ABCA9: variants seen among roughly 807,000 people sequenced by gnomAD.
The protein encoded by ABCA9 is ATP binding cassette subfamily A member 9.
ABCA9 carries 183 observed loss-of-function variants against 205.3 expected under a neutral mutation model. The ratio of observed to expected loss-of-function variants is 0.89; its 90% CI spans 0.79 to 1.01. ABCA9 has a LOEUF of 1.01. Among genes scored for constraint, ABCA9 ranks in the 50% least tolerant of loss-of-function variants. The probability of loss-of-function intolerance (pLI) is 0.00; values close to 1 mark genes in which losing one functional copy is unlikely to be tolerated. For synonymous variants in ABCA9, 651 were observed against 683.3 expected, an observed-to-expected ratio of 0.95 and a Z score of 0.74; for missense variants, 1,805 against 1,912.4, an observed-to-expected ratio of 0.94 and a Z score of 1.05.
intron 6 of ABCA9, 145 bp downstream of exon 6, chr17:69,043,344 C>T (rs1332098405): frequency 1.7e-6 from 1 of 593,098 alleles, no homozygotes; most frequent in African/African-American, 1.9e-5. Flanking sequence ...CCACTCACCT[C>T]CTGCTATGTG....
At chr17:69,016,578 G>T (rs1005303250) in intron 21 of ABCA9, among the ~76,000 whole-genome samples, 188 bp from the exon 22 acceptor site, 1 of 151,760 alleles carries the variant, frequency 6.6e-6, no homozygotes, top group Admixed American at 6.6e-5. Context: ...CCGGTATTTT[G>T]GTTTCTACCC....
the ABCA9 span, among the ~76,000 whole-genome samples, chr17:69,077,427 T>C: frequency 2.0e-5 from 3 of 152,206 alleles, no homozygotes; most frequent in Non-Finnish European, 4.4e-5. Flanking sequence ...TGTCTGAGCA[T>C]GTGGCCAATC....
At chr17:68,976,276 G>T in intron 37 of ABCA9, 86 bp from the exon 38 acceptor site, 2 of 1,086,674 alleles carry the variant, frequency 1.8e-6, no homozygotes, top group Non-Finnish European at 2.8e-6. Flanking sequence ...CATACAAGTA[G>T]ATCTTAAACA....
intron 9 of ABCA9, among the ~76,000 whole-genome samples, 164 bp from the exon 10 acceptor site, chr17:69,032,440 A>G (rs929251656): frequency 9.9e-5 from 15 of 152,204 alleles, no homozygotes; most frequent in African/African-American, 3.6e-4. Flanking sequence ...CAGAACAGTG[A>G]GGAGAAAATA....
intron 16 of ABCA9, 55 bp from the exon 17 acceptor site, chr17:69,024,408 T>A: frequency 1.4e-6 from 2 of 1,458,234 alleles, no homozygotes; most frequent in Non-Finnish European, 1.8e-6. Context: ...TATAAAACAA[T>A]TTCCTAATTA....
At chr17:69,009,670 G>A (rs2070297185) in intron 23 of ABCA9, among the ~76,000 whole-genome samples, 1 of 152,074 alleles carries the variant, frequency 6.6e-6, no homozygotes, top group Non-Finnish European at 1.5e-5. Flanking sequence ...AAATAGAGAC[G>A]ACTAATATGG....
intron 25 of ABCA9, among the ~76,000 whole-genome samples, chr17:68,998,050 A>G (rs563995542): frequency 3.3e-5 from 5 of 152,266 alleles, no homozygotes; most frequent in African/African-American, 1.2e-4. Context: ...TAGACTTTTC[A>G]GATTGGCTTC....
the ABCA9 span, among the ~76,000 whole-genome samples, chr17:69,068,657 C>CA: frequency 4.2e-4 from 64 of 152,152 alleles, 1 homozygote; most frequent in Non-Finnish European, 7.4e-4. Context: ...ATCTTTACCC[C>CA]AAAAAACTGA....
At chr17:69,065,914 C>T (rs558732492), upstream of ABCA9, among the ~76,000 whole-genome samples, 165 of 152,192 alleles carry the variant, frequency 1.1e-3, no homozygotes, top group African/African-American at 3.9e-3. Flanking sequence ...AGGGGCTTTT[C>T]CCCCCTTTTG....
intron 25 of ABCA9, among the ~76,000 whole-genome samples, chr17:69,007,054 G>A (rs2070164610): frequency 6.6e-6 from 1 of 152,262 alleles, no homozygotes; most frequent in Middle Eastern, 3.4e-3. Flanking sequence ...GCGTGATCAA[G>A]GATGATTCCA....
chr17:69,014,791 T>C (rs1567943598), intron 22 of ABCA9, among the ~76,000 whole-genome samples: 2 of 152,100 alleles, frequency 1.3e-5, no homozygotes, highest in African/African-American at 2.4e-5. Flanking sequence ...CAGAAGTTGT[T>C]GAATTACCTG....
intron 29 of ABCA9, 147 bp from the exon 30 acceptor site, chr17:68,990,077 C>G (rs1037149273): frequency 2.2e-5 from 15 of 671,046 alleles, no homozygotes; most frequent in Middle Eastern, 2.6e-4. Context: ...CAAGTGAACT[C>G]TTACAGTCTA....
At chr17:68,990,143 GCAGGAATAGAGA>G (rs1307648953) in intron 29 of ABCA9, among the ~76,000 whole-genome samples, 1 of 152,172 alleles carries the variant, frequency 6.6e-6, no homozygotes. Flanking sequence ...TCTTTGGAGA[GCAGGAATAGAGA>G]CAGTCACTGA....
At position 69,052,694 on chromosome 17, in the gene ABCA9, A is replaced by G. The variant is rs1208293165; in HGVS notation, c.-13-1555T>C. Among the ~76,000 whole-genome samples, 5 of 152,182 alleles carry G rather than the reference A, an allele frequency of 3.3e-5. No individual in the cohort carries two copies. The East Asian group carries it at 9.6e-4, about 29-fold the overall frequency. On this transcript the variant is annotated intron_variant, in intron 1 of 38. Coordinates refer to ENST00000340001, the MANE Select transcript of ABCA9 (RefSeq NM_080283.4). ...GGTGACCTAAAATTCAATTCACTTC[A>G]ATTCTGACACTGTCTACTTGGAGTT...
At position 69,027,078 on chromosome 17, in the gene ABCA9, G is replaced by A. The variant is rs1387051532; in HGVS notation, c.1948C>T (p.Pro650Ser). Residue 650 changes from proline to serine, a missense_variant, in exon 15 of 39, where the codon CCT (proline) becomes TCT (serine). Transcript: ENST00000340001. ...LLDEPTAGLDPLSRHRIWNLL... is the reference protein window; with the variant it reads ...LLDEPTAGLDSLSRHRIWNLL... ...TTCCATATTCGGTGCCTTGAAAGAG[G>A]ATCCAATCCAGCAGTCGGTTCATCC... The A allele has an allele frequency of 6.2e-7, 1 of 1,614,020 alleles. No individual in the cohort carries two copies. Among genetic ancestry groups the A allele is most frequent in the Admixed American group, 1.7e-5 (1 of 59,984 alleles).
In ABCA9 at chr17:69,023,318, C is replaced by T. The variant is rs2070881923; in HGVS notation, c.2281+896G>A. ...TTCAATACATTTGAAGGTATTAAAT[C>T]ATTTAATCCTCATAACAACCCTAGA... On this transcript the variant is annotated intron_variant, in intron 17 of 38. Coordinates refer to ENST00000340001, the MANE Select transcript of ABCA9 (RefSeq NM_080283.4). This position sits in a 1 kb window ranked among gnomAD's most constrained non-coding sequence, Gnocchi z 4.2. 1 of 152,146 alleles carries T rather than the reference C, an allele frequency of 6.6e-6. No individual in the cohort carries two copies. Among genetic ancestry groups the T allele is most frequent in the Non-Finnish European group, 1.5e-5 (1 of 68,014 alleles). 9.4% of individuals were successfully genotyped at this position (152,146 alleles called of 1,614,324 possible).
At chr17:69,053,666 CAG>C (rs1372211462) in intron 1 of ABCA9, among the ~76,000 whole-genome samples, 3 of 151,832 alleles carry the variant, frequency 2.0e-5, no homozygotes, top group African/African-American at 7.3e-5. Context: ...GAAGAAAAAA[CAG>C]AGCAGAATAT....
chr17:69,022,306 G>A (rs572914257), intron 17 of ABCA9: 1 of 151,516 alleles, frequency 6.6e-6, no homozygotes, highest in Admixed American at 6.6e-5. Context: ...CTCTTTGATA[G>A]TTTAAAAACA....
At chr17:69,028,809 A>G (rs1442667729) in intron 11 of ABCA9, among the ~76,000 whole-genome samples, 164 bp from the exon 12 acceptor site, 4 of 152,250 alleles carry the variant, frequency 2.6e-5, no homozygotes, top group African/African-American at 9.6e-5. Flanking sequence ...AACATTTTGT[A>G]GTGATAGTAT....
Sources: gnomAD v4.1 joint callset for allele counts (sites outside exome capture counted in the v4.1 genomes callset) on GRCh38, gnomAD v4.1.1 for gene constraint, Gnocchi (gnomAD v3.1) non-coding constraint, MANE v1.5 for transcripts, NCBI Gene and HGNC (gene_info 2026-07-23, HGNC 2026-07-21) for gene names.